SLIT3: variants seen among roughly 807,000 people sequenced by gnomAD.
SLIT3 encodes the protein slit homolog 3 protein.
A neutral mutation model predicts 184.0 loss-of-function variants in SLIT3; 68 were observed. The observed-to-expected ratio is 0.37, with a 90% CI of 0.30 to 0.45. The LOEUF (loss-of-function observed/expected upper bound fraction) is 0.45. Ranked by LOEUF, SLIT3 falls within the 20% of genes least tolerant of loss-of-function variation. SLIT3 has a pLI of 1.00. For missense variants in SLIT3, 1,707 were observed against 2,026.0 expected (o/e 0.84, Z 3.02); for synonymous variants, 831 against 828.6 (o/e 1.00, Z -0.05).
At chr5:169,113,194 T>C (rs1029379860) in intron 4 of SLIT3, among the ~76,000 whole-genome samples, 8 of 152,116 alleles carry the variant, frequency 5.3e-5, no homozygotes, top group African/African-American at 1.7e-4. Context: ...AAACTGAGAC[T>C]CTGGACCCAT....
Position 168,957,833 on chromosome 5 carries a change from G to A in SLIT3, c.414-74497C>T, listed in dbSNP as rs1423137838. Among the ~76,000 whole-genome samples, 6 of 152,182 alleles carry A rather than the reference G, an allele frequency of 3.9e-5. No individual in the cohort carries two copies. In the East Asian group the frequency reaches 7.7e-4, roughly 20 times the overall value. The stretch of plus-strand genomic sequence containing the variant: ...GATCTGCTTCAGCTACTTACTCACC[G>A]CATGACCTTATCCAAGTCACTTAAC... On this transcript the variant is annotated intron_variant, in intron 4 of 35. Transcript: ENST00000519560.
intron 16 of SLIT3, among the ~76,000 whole-genome samples, chr5:168,754,331 T>C (rs1754822766): frequency 6.6e-6 from 1 of 152,198 alleles, no homozygotes; most frequent in African/African-American, 2.4e-5. Flanking sequence ...AACCTGTCAT[T>C]TGCAGCAACA....
intron 3 of SLIT3, among the ~76,000 whole-genome samples, chr5:169,195,185 T>A (rs1444677244): frequency 1.3e-5 from 2 of 152,190 alleles, no homozygotes; most frequent in East Asian, 3.9e-4. Flanking sequence ...CCCAAAGCCC[T>A]GGCCCCCTTC....
intron 5 of SLIT3, among the ~76,000 whole-genome samples, chr5:168,879,272 C>A (rs897566815): frequency 1.3e-5 from 2 of 152,098 alleles, no homozygotes; most frequent in Non-Finnish European, 2.9e-5. Flanking sequence ...TGTGGTGGAG[C>A]AGGCTTGGGG....
chr5:169,001,552 T>C (rs1030438785), intron 4 of SLIT3, among the ~76,000 whole-genome samples: 63 of 152,014 alleles, frequency 4.1e-4, no homozygotes, highest in African/African-American at 1.4e-3. Context: ...GAAAGTGAAA[T>C]AGACTAGAAA....
At chr5:168,867,772 T>C (rs1294678335) in intron 5 of SLIT3, among the ~76,000 whole-genome samples, 1 of 151,086 alleles carries the variant, frequency 6.6e-6, no homozygotes, top group Non-Finnish European at 1.5e-5. Context: ...TGGCAGGCAG[T>C]TGGATTTAAA....
At chr5:168,837,520 G>A (rs994496914) in intron 6 of SLIT3, among the ~76,000 whole-genome samples, 3 of 152,136 alleles carry the variant, frequency 2.0e-5, no homozygotes, top group South Asian at 2.1e-4. Flanking sequence ...AAAATACTAC[G>A]TTGTTCAACA....
intron 1 of SLIT3, among the ~76,000 whole-genome samples, chr5:169,292,094 A>G (rs1385671652): frequency 6.6e-6 from 1 of 152,112 alleles, no homozygotes; most frequent in East Asian, 1.9e-4. Flanking sequence ...TTCATTCTTC[A>G]TCATGTCTGT....
intron 7 of SLIT3, among the ~76,000 whole-genome samples, chr5:168,820,736 G>A (rs1472699562): frequency 8.5e-5 from 13 of 152,162 alleles, no homozygotes; most frequent in African/African-American, 2.9e-4. Flanking sequence ...CACCTCTACA[G>A]AACATAAGGT....
chr5:168,725,901 T>C (rs1318033978), intron 20 of SLIT3, among the ~76,000 whole-genome samples: 1 of 152,220 alleles, frequency 6.6e-6, no homozygotes, highest in Non-Finnish European at 1.5e-5. Flanking sequence ...AAGGCCACAT[T>C]GGAACGTGCA....
At chr5:168,948,775 G>A (rs1322868681) in intron 4 of SLIT3, among the ~76,000 whole-genome samples, 3 of 152,114 alleles carry the variant, frequency 2.0e-5, no homozygotes, top group East Asian at 1.9e-4. Flanking sequence ...GGCTGCCCCC[G>A]GGTTATTCTC....
At chr5:168,988,346 T>A (rs1381731147) in intron 4 of SLIT3, among the ~76,000 whole-genome samples, 7 of 152,154 alleles carry the variant, frequency 4.6e-5, no homozygotes, top group Admixed American at 3.9e-4. Context: ...TTTCCCAAAG[T>A]CCTACAATTC....
At chr5:168,955,070 T>C (rs1762775880) in intron 4 of SLIT3, among the ~76,000 whole-genome samples, 1 of 120,126 alleles carries the variant, frequency 8.3e-6, no homozygotes, top group South Asian at 3.1e-4. Context: ...CTAGAGGCAC[T>C]CCTGGCCTTC....
intron 4 of SLIT3, among the ~76,000 whole-genome samples, chr5:168,932,674 A>G (rs562517456): frequency 2.0e-5 from 3 of 152,174 alleles, no homozygotes; most frequent in African/African-American, 7.2e-5. Context: ...CAGCAACTCC[A>G]TATCCTAGCT....
chr5:169,137,277 A>G (rs1403768309), intron 4 of SLIT3, among the ~76,000 whole-genome samples: 1 of 143,976 alleles, frequency 6.9e-6, no homozygotes, highest in Non-Finnish European at 1.5e-5. Flanking sequence ...CTCTCAATTA[A>G]TCTCCCCCTC....
At chr5:168,830,885 G>A (rs1757859926) in intron 6 of SLIT3, among the ~76,000 whole-genome samples, 1 of 152,184 alleles carries the variant, frequency 6.6e-6, no homozygotes, top group East Asian at 1.9e-4. Flanking sequence ...CAAGGTGGAG[G>A]TGAATCACAT....
intron 23 of SLIT3, among the ~76,000 whole-genome samples, chr5:168,716,208 C>T (rs1322598218): frequency 1.4e-4 from 21 of 152,146 alleles, no homozygotes. Context: ...ATCTCTTGAC[C>T]TTGGGATCTG....
intron 4 of SLIT3, among the ~76,000 whole-genome samples, chr5:168,893,108 A>G (rs1050569595): frequency 3.9e-5 from 6 of 152,242 alleles, no homozygotes; most frequent in African/African-American, 1.2e-4. Flanking sequence ...GCTGAAAATC[A>G]TCTGATTGTA....
At chr5:169,263,645 T>C (rs1388676486) in intron 1 of SLIT3, 1 of 502,352 alleles carries the variant, frequency 2.0e-6, no homozygotes. Flanking sequence ...ACGTTCAGGC[T>C]TTCTCTGGGC....
Sources: gnomAD v4.1 joint callset for allele counts (sites outside exome capture counted in the v4.1 genomes callset) on GRCh38, gnomAD v4.1.1 for gene constraint, MANE v1.5 for transcripts, NCBI Gene and HGNC (gene_info 2026-07-23, HGNC 2026-07-21) for gene names.